ANO8: variants seen among roughly 807,000 people sequenced by gnomAD.
ANO8 encodes the protein anoctamin 8.
A neutral mutation model predicts 120.4 loss-of-function variants in ANO8; 67 were observed. The ratio of observed to expected loss-of-function variants is 0.56; its 90% CI spans 0.46 to 0.68. The LOEUF (loss-of-function observed/expected upper bound fraction) is 0.68, where lower values mean the gene tolerates loss of function less well. Among genes scored for constraint, ANO8 ranks in the 30% least tolerant of loss-of-function variants. The pLI is 0.00. For synonymous variants in ANO8, 727 were observed against 759.2 expected, an observed-to-expected ratio of 0.96 and a Z score of 0.70; for missense variants, 1,526 against 1,737.6, an observed-to-expected ratio of 0.88 and a Z score of 2.16.
chr19:17,328,127 G>A, intron 13 of ANO8, 35 bp downstream of exon 13: 1 of 1,496,740 alleles, frequency 6.7e-7, no homozygotes, highest in Non-Finnish European at 8.9e-7. Flanking sequence ...CCCCGGCGAG[G>A]CCCCGCCCCC....
At chr19:17,325,452 T>A in intron 16 of ANO8, 66 bp from the exon 17 acceptor site, 1 of 1,510,142 alleles carries the variant, frequency 6.6e-7, no homozygotes, top group Non-Finnish European at 8.8e-7. Flanking sequence ...CAGCTGAGGC[T>A]GGTGCATGCC....
Position 17,334,068 on chromosome 19 carries a change from G to A in ANO8, c.107-268C>T, listed in dbSNP as rs569998309. 4.6e-5 allele frequency among the ~76,000 whole-genome samples: 7 copies of A among 152,226 alleles called. No individual in the cohort carries two copies. In the East Asian group the frequency reaches 1.4e-3, roughly 29 times the overall value. On this transcript the variant is annotated intron_variant, in intron 1 of 17. Transcript: ENST00000159087. ...TCCGCCTCCAAAACCACAATCGATG[G>A]GGCGCTCACTAGCAGCCCTGAGCGC...
At position 17,323,309 on chromosome 19, in the gene ANO8, T is replaced by TTGTGTG; in HGVS notation, c.*207_*208insCACACA. The TTGTGTG allele has an allele frequency of 4.9e-6, 1 of 205,600 alleles. No homozygotes were observed. The highest frequency in any genetic ancestry group is 8.9e-6 in the Non-Finnish European group (1 of 112,598). 12.7% of individuals were successfully genotyped at this position (205,600 alleles called of 1,614,324 possible). ...TTAAAAACAAATAAATAATCGCCTG[T>TTGTGTG]TCTGTGTGTGTGTGTGTGTGTGTGT... is the stretch of plus-strand genomic sequence containing the variant. On this transcript the variant is annotated 3_prime_UTR_variant, in exon 18 of 18. Coordinates refer to ENST00000159087, the MANE Select transcript of ANO8 (RefSeq NM_020959.3).
In ANO8 at chr19:17,325,173, C is replaced by T. The variant is rs776981751; in HGVS notation, c.2875G>A (p.Gly959Arg). ...CCTGGGCGCTTGGGCCGTTCAGGCC[C>T]GTGGCCACCCGCAGTGCTGCCCTTG... The part of the protein sequence containing the change: ...KAKGSTAGGH[G>R]PERPKRPGSL... Residue 959 changes from glycine to arginine, a missense_variant, in exon 17 of 18, where the codon GGG (glycine) becomes AGG (arginine). By Grantham distance (125) the Gly-to-Arg change is moderately radical. Coordinates refer to ENST00000159087, the MANE Select transcript of ANO8 (RefSeq NM_020959.3). 4.3e-6 allele frequency: 7 copies of T among 1,613,114 alleles called. No homozygotes were observed. Among genetic ancestry groups the T allele is most frequent in the African/African-American group, 1.3e-5 (1 of 74,946 alleles).
chr19:17,327,666 C>A (rs201862681), intron 14 of ANO8, 23 bp downstream of exon 14: 1 of 1,610,360 alleles, frequency 6.2e-7, no homozygotes, highest in Non-Finnish European at 8.5e-7. Flanking sequence ...GGCCTCAGCT[C>A]GGATCTCTTG....
At chr19:17,329,302 A>C in intron 12 of ANO8, 1 of 364,496 alleles carries the variant, frequency 2.7e-6, no homozygotes, top group South Asian at 5.6e-5. Context: ...GCCGCCCCCG[A>C]CCCCAGATTC....
At position 17,327,842 on chromosome 19, in the gene ANO8, G is replaced by A. The variant is rs1248707497; in HGVS notation, c.2265C>T (p.Phe755=). The change falls in exon 14 of 18, where the codon TTC becomes TTT. Residue 755 remains phenylalanine (F), a synonymous_variant. Coordinates refer to ENST00000159087, the MANE Select transcript of ANO8 (RefSeq NM_020959.3). ...FQDYQEMFVQ[F]GYVVLFSSAF... ...CGGACGAGAAGAGCACAACGTAGCCGAACTGCACGAACATCTCCTGGTAGT... is the reference window on the plus strand; with the variant it reads ...CGGACGAGAAGAGCACAACGTAGCCAAACTGCACGAACATCTCCTGGTAGT... The A allele has an allele frequency of 6.2e-7, 1 of 1,614,146 alleles. No homozygotes were observed. Among genetic ancestry groups the A allele is most frequent in the East Asian group, 2.2e-5 (1 of 44,884 alleles).
chr19:17,333,597 G>A lies in ANO8; in HGVS notation c.218-43C>T. On this transcript the variant is annotated intron_variant, in intron 2 of 17. Coordinates refer to ENST00000159087, the MANE Select transcript of ANO8 (RefSeq NM_020959.3). This position sits in a 1 kb window ranked among gnomAD's most constrained non-coding sequence, Gnocchi z 7.2. Reference sequence around the variant, plus strand: ...GACCGATGGCTCCTGCCACGAGGGGGCCCAAGGCCTCCTACGTATTCCCGT... The same window carrying A: ...GACCGATGGCTCCTGCCACGAGGGGACCCAAGGCCTCCTACGTATTCCCGT... The A allele has an allele frequency of 1.3e-6, 2 of 1,498,500 alleles. No homozygotes were observed. Among genetic ancestry groups the A allele is most frequent in the Non-Finnish European group, 1.8e-6 (2 of 1,113,150 alleles). 92.8% of individuals were successfully genotyped at this position (1,498,500 alleles called of 1,614,324 possible).
At position 17,334,598 on chromosome 19, in the gene ANO8, C is replaced by T. The variant is rs1180550381; in HGVS notation, c.73G>A (p.Gly25Ser). ...CCGGACGCCGGGGCTGCAGGCTCGC[C>T]CTCCGGCGGGGGCCTCTTGCCACGC... ...GERGKRPPPE[G>S]EPAAPASGVL... Residue 25 changes from glycine (G) to serine (S), a missense_variant, in exon 1 of 18, where the codon GGC (glycine) becomes AGC (serine). Coordinates refer to ENST00000159087, the MANE Select transcript of ANO8 (RefSeq NM_020959.3). The T allele has an allele frequency of 2.6e-6, 4 of 1,548,124 alleles. No homozygotes were observed. Among genetic ancestry groups the T allele is most frequent in the South Asian group, 1.2e-5 (1 of 85,454 alleles).
In ANO8 at chr19:17,323,628, G is replaced by T; in HGVS notation, c.3588C>A (p.Ser1196Arg). ...QPLPGDASFY[S>R]LPPPPLPPTS... The stretch of plus-strand genomic sequence containing the variant: ...TGGGCGGTAGCGGTGGGGGCGGGAG[G>T]CTGTAAAAGCTGGCGTCTCCCGGCA... The change falls in exon 18 of 18, where the codon AGC becomes AGA. Residue 1196 changes from serine (S) to arginine (R), a missense_variant. By Grantham distance (110) the Ser-to-Arg change is moderately radical (BLOSUM62 -1). Transcript: ENST00000159087. 1 of 1,127,558 alleles carries T rather than the reference G, an allele frequency of 8.9e-7. No individual in the cohort carries two copies. Among genetic ancestry groups the T allele is most frequent in the African/African-American group, 1.7e-5 (1 of 59,494 alleles). The allele number at this position is 1,127,558 out of a possible 1,614,324, so 69.8% of individuals were successfully genotyped here. A position where few individuals can be genotyped will look rare whatever the true frequency, so the allele number is the denominator to read the frequency against.
chr19:17,330,753 C>T (rs1166594516), intron 8 of ANO8, 75 bp downstream of exon 8: 6 of 1,533,988 alleles, frequency 3.9e-6, no homozygotes, highest in South Asian at 3.7e-5. Context: ...CACCTCTCTG[C>T]CTTTGCTCCT....
In ANO8 at chr19:17,324,897, C is replaced by T; in HGVS notation, c.3151G>A (p.Ala1051Thr). 1 of 1,613,476 alleles carries T rather than the reference C, an allele frequency of 6.2e-7. No individual in the cohort carries two copies. Among genetic ancestry groups the T allele is most frequent in the Non-Finnish European group, 8.5e-7 (1 of 1,179,860 alleles). The change falls in exon 17 of 18, where the codon GCT becomes ACT. Residue 1051 changes from alanine (A) to threonine (T), a missense_variant. By Grantham distance (58) the Ala-to-Thr change is moderately conservative. Transcript: ENST00000159087. ...RSHSPPKAFHAGKLFPFGGTR... is the reference protein window; with the variant it reads ...RSHSPPKAFHTGKLFPFGGTR... ...CCACCAAAGGGGAAGAGCTTGCCAG[C>T]ATGGAAGGCTTTGGGCGGTGAGTGG...
In ANO8 at chr19:17,327,345, GC is replaced by G; in HGVS notation, c.2551-1del. The stretch of plus-strand genomic sequence containing the variant: ...AGGTACTTGAGGAGCAGAGCGAAGT[GC>G]TGCAGGGGTGGCAGAGAGGAGGCTG... On this transcript the variant is annotated splice_acceptor_variant, in intron 15 of 17. Coordinates refer to ENST00000159087, the MANE Select transcript of ANO8 (RefSeq NM_020959.3). LOFTEE classifies it high-confidence loss of function. The G allele has an allele frequency of 6.5e-7, 1 of 1,549,810 alleles. No homozygotes were observed. Among genetic ancestry groups the G allele is most frequent in the Non-Finnish European group, 8.7e-7 (1 of 1,145,848 alleles).
rs138673044 is a variant in ANO8 at position 17,333,708 on chromosome 19, C to G, written c.199G>C (p.Val67Leu). The G allele has an allele frequency of 1.9e-6, 3 of 1,603,234 alleles. No individual in the cohort carries two copies. In the African/African-American group the frequency reaches 4.0e-5, roughly 21 times the overall value. The change falls in exon 2 of 18, where the codon GTG becomes CTG. Residue 67 changes from valine (V) to leucine (L), a missense_variant. Transcript: ENST00000159087. This position sits in a 1 kb window ranked among gnomAD's most constrained non-coding sequence, Gnocchi z 7.2. ...MKTVPTENCD[V>L]LMTFPDTTDD... ...TGGGTACCTGGGAAGGTCATCAGCA[C>G]GTCGCAGTTCTCTGTAGGCACCGTC...
chr19:17,326,779 G>A lies in ANO8; in HGVS notation c.2661+456C>T, dbSNP rs556464658. 1.1e-4 allele frequency among the ~76,000 whole-genome samples: 16 copies of A among 152,270 alleles called. No individual in the cohort carries two copies. In the South Asian group the frequency reaches 2.3e-3, roughly 22 times the overall value. ...TTCTGAGGAATGCGGAAGAAGCTGC[G>A]CTTCTAGGAAGCCTCCGCTGTGTCC... is the stretch of plus-strand genomic sequence containing the variant. On this transcript the variant is annotated intron_variant, in intron 16 of 17. Coordinates refer to ENST00000159087, the MANE Select transcript of ANO8 (RefSeq NM_020959.3).
At chr19:17,328,114 C>T (rs113207944) in intron 13 of ANO8, 48 bp downstream of exon 13, 140,046 of 1,467,684 alleles carry the variant, frequency 0.095, 7,514 homozygotes, top group Non-Finnish European at 0.11. Flanking sequence ...CGGTGTGTCC[C>T]GTCCCCGGCG....
chr19:17,327,548 C>T lies in ANO8; in HGVS notation c.2440G>A (p.Val814Ile). ...TAGCAGTTGACCACAATCGCTAGGACACCCATGGCCTCCATCACCTTCTGC... is the reference window on the plus strand; with the variant it reads ...TAGCAGTTGACCACAATCGCTAGGATACCCATGGCCTCCATCACCTTCTGC... ...QWQKVMEAMGVLAIVVNCYLI... is the reference protein window; with the variant it reads ...QWQKVMEAMGILAIVVNCYLI... Residue 814 changes from valine to isoleucine, a missense_variant, in exon 15 of 18, where the codon GTC becomes ATC. Physicochemically the swap from Val to Ile is conservative, Grantham distance 29. Coordinates refer to ENST00000159087, the MANE Select transcript of ANO8 (RefSeq NM_020959.3). 6.2e-7 allele frequency: 1 copy of T among 1,613,486 alleles called. No individual in the cohort carries two copies. The highest frequency in any genetic ancestry group is 1.1e-5 in the South Asian group (1 of 91,086).
chr19:17,332,178 G>T (rs1047385426), intron 5 of ANO8, among the ~76,000 whole-genome samples: 3 of 143,260 alleles, frequency 2.1e-5, no homozygotes, highest in Non-Finnish European at 4.6e-5. Context: ...CTCGTGATAC[G>T]CCCGCCTCAG....
Position 17,328,504 on chromosome 19 carries a change from C to A in ANO8, c.1884G>T (p.Arg628=). 1.3e-6 allele frequency: 2 copies of A among 1,554,468 alleles called. No homozygotes were observed. The highest frequency in any genetic ancestry group is 8.7e-7 in the Non-Finnish European group (1 of 1,152,258). ...GGAGGGCCTCCGGGCTTGGGCCGGG[C>A]CGACGCCGCCCCGCGCCGCGCTCAG... ...SFAERGAGRR[R]PGPSPEALLE... is the part of the protein sequence containing the mutation. Residue 628 remains arginine (R), a synonymous_variant, in exon 13 of 18, where the codon CGG becomes CGT. Coordinates refer to ENST00000159087, the MANE Select transcript of ANO8 (RefSeq NM_020959.3).
Sources: gnomAD v4.1 joint callset for allele counts (sites outside exome capture counted in the v4.1 genomes callset) on GRCh38, gnomAD v4.1.1 for gene constraint, Gnocchi (gnomAD v3.1) non-coding constraint, MANE v1.5 for transcripts, NCBI Gene and HGNC (gene_info 2026-07-23, HGNC 2026-07-21) for gene names.